The following CA8 variants were observed in gnomAD, a reference collection of about 807,000 sequenced individuals.
CA8 encodes carbonic anhydrase-related protein.
A neutral mutation model predicts 41.4 loss-of-function variants in CA8; 22 were observed. The ratio of observed to expected loss-of-function variants is 0.53; its 90% CI spans 0.38 to 0.76. The LOEUF (loss-of-function observed/expected upper bound fraction) is 0.76, where lower values mean the gene tolerates loss of function less well. Among genes scored for constraint, CA8 ranks in the 30% least tolerant of loss-of-function variants. CA8 has a pLI of 0.00. For synonymous variants in CA8, 121 were observed against 130.6 expected (o/e 0.93, Z 0.50); for missense variants, 270 against 352.8 (o/e 0.77, Z 1.88).
Position 60,238,074 on chromosome 8 carries a change from GC to G in CA8, c.418-5696del, listed in dbSNP as rs200448301. ...TCATATTCCCGCAACTGATTATGCT[GC>G]CTTACCATTAGCACCTGTGAAACGT... is the stretch of plus-strand genomic sequence containing the variant. On this transcript the variant is annotated intron_variant, in intron 3 of 8. Coordinates refer to ENST00000317995, the MANE Select transcript of CA8 (RefSeq NM_004056.6). Among the ~76,000 whole-genome samples, 572 of 152,268 alleles carry G rather than the reference GC, an allele frequency of 3.8e-3. 6 individuals are homozygous for G. Among genetic ancestry groups the G allele is most frequent in the African/African-American group, 0.013 (548 of 41,560 alleles).
intron 7 of CA8, among the ~76,000 whole-genome samples, 172 bp from the exon 8 acceptor site, chr8:60,209,091 A>T (rs1478620177): frequency 6.6e-6 from 1 of 151,198 alleles, no homozygotes; most frequent in Non-Finnish European, 1.5e-5. Context: ...CAGACCTAAG[A>T]CGTTAGAGAG....
At chr8:60,228,920 A>C (rs1326850497) in intron 4 of CA8, among the ~76,000 whole-genome samples, 1 of 152,096 alleles carries the variant, frequency 6.6e-6, no homozygotes, top group Non-Finnish European at 1.5e-5. Flanking sequence ...TCCTTGCCAA[A>C]TTTGTGTATG....
At chr8:60,256,069 G>C (rs1010123151) in intron 3 of CA8, among the ~76,000 whole-genome samples, 1 of 151,716 alleles carries the variant, frequency 6.6e-6, no homozygotes, top group Admixed American at 6.6e-5. Context: ...CTATATGCCC[G>C]GCTAATTTTT....
At chr8:60,229,260 T>C (rs1161161729) in intron 4 of CA8, among the ~76,000 whole-genome samples, 2 of 151,998 alleles carry the variant, frequency 1.3e-5, no homozygotes, top group Non-Finnish European at 2.9e-5. Flanking sequence ...TCTCCCACCA[T>C]TTCCTGATCT....
At chr8:60,215,254 T>C (rs955954518) in intron 7 of CA8, among the ~76,000 whole-genome samples, 3 of 152,176 alleles carry the variant, frequency 2.0e-5, no homozygotes, top group Admixed American at 6.5e-5. Context: ...ATCCAGCTGA[T>C]TGGCTTCCGA....
intron 3 of CA8, among the ~76,000 whole-genome samples, chr8:60,260,752 A>G (rs1402458681): frequency 6.6e-6 from 1 of 152,156 alleles, no homozygotes; most frequent in African/African-American, 2.4e-5. Context: ...TATATCTTGT[A>G]TCTAATCTTC....
chr8:60,205,587 C>T (rs576846351), intron 8 of CA8, among the ~76,000 whole-genome samples: 17 of 152,144 alleles, frequency 1.1e-4, no homozygotes, highest in African/African-American at 3.9e-4. Context: ...GAATTAGCAC[C>T]GCTGAACCAA....
chr8:60,224,006 T>C (rs910180474), intron 6 of CA8, among the ~76,000 whole-genome samples: 5 of 152,250 alleles, frequency 3.3e-5, no homozygotes, highest in Non-Finnish European at 7.3e-5. Flanking sequence ...TAAAATTAGA[T>C]ACAAAGTTTA....
intron 7 of CA8, among the ~76,000 whole-genome samples, chr8:60,215,384 C>CACACA (rs1365631624): frequency 2.7e-5 from 4 of 147,732 alleles, no homozygotes; most frequent in Middle Eastern, 3.5e-3. Context: ...CACACACACA[C>CACACA]CGGATCCCCA....
At position 60,187,332 on chromosome 8, in the gene CA8, T is replaced by G. The variant is rs1805992182; in HGVS notation, c.*2689A>C. On this transcript the variant is annotated 3_prime_UTR_variant, in exon 9 of 9. Transcript: ENST00000317995. ...TTATTGGATGCAGCTAAAGCAATGC[T>G]CAGAGGAAAATTTATAACTGTTAAT... The G allele has an allele frequency of 1.3e-5, 2 of 152,172 alleles. No homozygotes were observed. The highest frequency in any genetic ancestry group is 3.4e-3 in the Middle Eastern group (1 of 294). The allele number at this position is 152,172 out of a possible 1,614,324, so 9.4% of individuals were successfully genotyped here. A position where few individuals can be genotyped will look rare whatever the true frequency, so the allele number is the denominator to read the frequency against.
intron 4 of CA8, among the ~76,000 whole-genome samples, chr8:60,230,486 G>T (rs906918168): frequency 1.1e-4 from 16 of 152,102 alleles, no homozygotes; most frequent in African/African-American, 3.6e-4. Context: ...TTCTTGGAAG[G>T]AAAGTCTACT....
At chr8:60,256,011 C>T (rs779070113) in intron 3 of CA8, among the ~76,000 whole-genome samples, 2 of 150,846 alleles carry the variant, frequency 1.3e-5, no homozygotes, top group Non-Finnish European at 2.9e-5. Context: ...CGGGTTCAAG[C>T]GATTCTCCTG....
intron 3 of CA8, among the ~76,000 whole-genome samples, chr8:60,248,192 TC>T (rs1808317290): frequency 6.6e-6 from 1 of 152,208 alleles, no homozygotes; most frequent in African/African-American, 2.4e-5. Context: ...TTTCTCCCAT[TC>T]TGTAGGCTGC....
intron 3 of CA8, among the ~76,000 whole-genome samples, chr8:60,254,493 A>C (rs1427963999): frequency 1.3e-5 from 2 of 152,244 alleles, no homozygotes; most frequent in African/African-American, 2.4e-5. Context: ...AAACCACGTC[A>C]GCGCTGGTAA....
chr8:60,206,351 G>T, intron 8 of CA8, among the ~76,000 whole-genome samples: 1 of 152,098 alleles, frequency 6.6e-6, no homozygotes, highest in South Asian at 2.1e-4. Context: ...GTGTGTGTGT[G>T]TGCGCGTGTG....
chr8:60,260,299 G>A (rs1039695194), intron 3 of CA8, among the ~76,000 whole-genome samples: 1 of 152,122 alleles, frequency 6.6e-6, no homozygotes, highest in African/African-American at 2.4e-5. Flanking sequence ...ATTCTTGGAG[G>A]TAGCAGGGAT....
At position 60,255,908 on chromosome 8, in the gene CA8, A is replaced by ATT. The variant is rs35554184; in HGVS notation, c.417+10015_417+10016dup. Among the ~76,000 whole-genome samples, 1,305 of 143,356 alleles carry ATT rather than the reference A, an allele frequency of 9.1e-3. 19 individuals are homozygous for ATT. Among genetic ancestry groups the ATT allele is most frequent in the South Asian group, 0.036 (160 of 4,464 alleles). The allele number at this position is 143,356 out of a possible 152,430, so 94.0% of individuals were successfully genotyped here. A position where few individuals can be genotyped will look rare whatever the true frequency, so the allele number is the denominator to read the frequency against. On this transcript the variant is annotated intron_variant, in intron 3 of 8. Transcript: ENST00000317995. ...AGGTGCTTCCAACATTACGCTATTA[A>ATT]TTTTTTTTTTTTTTTTTGAAACAGA...
At chr8:60,213,328 G>C (rs79758085) in intron 7 of CA8, among the ~76,000 whole-genome samples, 3,871 of 152,316 alleles carry the variant, frequency 0.025, 159 homozygotes, top group East Asian at 0.18. Context: ...CACCTCAAGA[G>C]AGTTTCTGAG....
chr8:60,246,397 A>G (rs1241132864), intron 3 of CA8, among the ~76,000 whole-genome samples: 2 of 152,098 alleles, frequency 1.3e-5, no homozygotes, highest in African/African-American at 4.8e-5. Flanking sequence ...GGTTCAAGCA[A>G]TTCTTGTGCC....
Sources: allele counts gnomAD v4.1 joint callset (sites outside exome capture counted in the v4.1 genomes callset), GRCh38; gene constraint gnomAD v4.1.1; transcripts MANE v1.5; gene names NCBI Gene and HGNC (gene_info 2026-07-23, HGNC 2026-07-21).